The following LRRC4B variants were observed in gnomAD, a reference collection of about 807,000 sequenced individuals.
LRRC4B encodes the protein leucine rich repeat containing 4B.
LRRC4B carries 1 observed loss-of-function variant against 7.3 expected under a neutral mutation model. The ratio of observed to expected loss-of-function variants is 0.14; its 90% CI spans 0.05 to 0.65. The LOEUF is 0.65. Among genes scored for constraint, LRRC4B ranks in the 30% least tolerant of loss-of-function variants. The pLI is 0.84. For missense variants in LRRC4B, 730 were observed against 1,041.6 expected, an observed-to-expected ratio of 0.70 and a Z score of 4.12; for synonymous variants, 500 against 499.2, an observed-to-expected ratio of 1.00 and a Z score of -0.02.
At chr19:50,567,144 T>C (rs1982655088) in intron 1 of LRRC4B, among the ~76,000 whole-genome samples, 1 of 116,808 alleles carries the variant, frequency 8.6e-6, no homozygotes, top group African/African-American at 3.3e-5. Flanking sequence ...GGCGGGGGTC[T>C]CCAGGAGGAG....
At position 50,519,017 on chromosome 19, in the gene LRRC4B, C is replaced by T. The variant is rs2122761563; in HGVS notation, c.696G>A (p.Glu232=). 1 of 1,612,060 alleles carries T rather than the reference C, an allele frequency of 6.2e-7. No individual in the cohort carries two copies. Among genetic ancestry groups the T allele is most frequent in the East Asian group, 2.2e-5 (1 of 44,854 alleles). ...GCCGGTTGCCCGACAGCTCCAGCTC[C>T]TCCAGGCGCACCAGGGCCGTCAGGT... ...IPNLTALVRL[E]ELELSGNRLD... The change falls in exon 3 of 3, where the codon GAG becomes GAA. Residue 232 remains glutamate (E), a synonymous_variant. Transcript: ENST00000652263. This position sits in a 1 kb window ranked among gnomAD's most constrained non-coding sequence, Gnocchi z 8.1.
At position 50,518,415 on chromosome 19, in the gene LRRC4B, T is replaced by C. The variant is rs756672848; in HGVS notation, c.1298A>G (p.Gln433Arg). Residue 433 changes from glutamine to arginine, a missense_variant, in exon 3 of 3, where the codon CAG becomes CGG. Physicochemically the swap from Gln to Arg is conservative, Grantham distance 43. Transcript: ENST00000652263. Reference sequence around the variant, plus strand: ...TGAGTTCGTCACCATGCACGTGTACTGGCCCGTGTCCTGCACGGTGACGTT... The same window carrying C: ...TGAGTTCGTCACCATGCACGTGTACCGGCCCGTGTCCTGCACGGTGACGTT... Reference protein sequence around the residue: ...FTNVTVQDTGQYTCMVTNSAG... With the variant: ...FTNVTVQDTGRYTCMVTNSAG... 6.4e-7 allele frequency: 1 copy of C among 1,568,426 alleles called. No individual in the cohort carries two copies. Among genetic ancestry groups the C allele is most frequent in the African/African-American group, 1.4e-5 (1 of 73,874 alleles).
rs578232545 is a variant in LRRC4B at position 50,553,431 on chromosome 19, G to A, written c.-35-4558C>T. 6.6e-6 allele frequency among the ~76,000 whole-genome samples: 1 copy of A among 152,210 alleles called. No homozygotes were observed. ...GCTTCCCTCCTCCCCCTGCTCACTC[G>A]CTGTTTCCAGAACAGGCCGTGCACA... On this transcript the variant is annotated intron_variant, in intron 1 of 2. Coordinates refer to ENST00000652263, the MANE Select transcript of LRRC4B (RefSeq NM_001080457.2). This position sits in a 1 kb window ranked among gnomAD's most constrained non-coding sequence, Gnocchi z 4.2.
rs1980283068 is a variant in LRRC4B at position 50,516,944 on chromosome 19, G to C, written c.*627C>G. 1.3e-5 allele frequency: 2 copies of C among 150,128 alleles called. No individual in the cohort carries two copies. The highest frequency in any genetic ancestry group is 1.3e-4 in the Admixed American group (2 of 15,120). The allele number at this position is 150,128 out of a possible 1,614,324, so 9.3% of individuals were successfully genotyped here. ...ACTTTTTCCATGTTTTTTTTTTAAA[G>C]TAATTACAGAGCAGGTAGTCGTTGA... On this transcript the variant is annotated 3_prime_UTR_variant, in exon 3 of 3. Transcript: ENST00000652263.
At chr19:50,565,584 C>T (rs1391899853) in intron 1 of LRRC4B, among the ~76,000 whole-genome samples, 2 of 151,322 alleles carry the variant, frequency 1.3e-5, no homozygotes, top group Non-Finnish European at 2.9e-5. Context: ...GAATCTTTGC[C>T]TCCACGTGCC....
chr19:50,527,348 CTTTT>C (rs59423387), intron 2 of LRRC4B, among the ~76,000 whole-genome samples: 35 of 124,474 alleles, frequency 2.8e-4, no homozygotes, highest in African/African-American at 6.7e-4. Context: ...TTTCTTTTTT[CTTTT>C]TTTTTTTTTT....
rs113942008 is a variant in LRRC4B, at chr19:50,538,370, C to T, written c.297+10172G>A. ...GAGCCACCGCGCCCGGCCCTCCCACCGTTTTCTTCCTTAAAGGGCTCTAAC... is the reference window on the plus strand; with the variant it reads ...GAGCCACCGCGCCCGGCCCTCCCACTGTTTTCTTCCTTAAAGGGCTCTAAC... On this transcript the variant is annotated intron_variant, in intron 2 of 2. Coordinates refer to ENST00000652263, the MANE Select transcript of LRRC4B (RefSeq NM_001080457.2). Among the ~76,000 whole-genome samples the T allele has an allele frequency of 5.7e-3, 870 of 151,814 alleles. 13 individuals are homozygous for T. The highest frequency in any genetic ancestry group is 0.02 in the African/African-American group (831 of 41,436).
intron 2 of LRRC4B, among the ~76,000 whole-genome samples, chr19:50,540,231 C>T (rs1252883449): frequency 2.0e-5 from 3 of 152,118 alleles, no homozygotes; most frequent in Non-Finnish European, 1.5e-5. Flanking sequence ...GGCCACAGAC[C>T]GGTACTGGTG....
intron 1 of LRRC4B, among the ~76,000 whole-genome samples, chr19:50,549,282 G>A (rs948405546): frequency 3.3e-5 from 5 of 152,184 alleles, no homozygotes; most frequent in Non-Finnish European, 7.3e-5. Flanking sequence ...GACAAGGCGA[G>A]GGGGCAGAAA....
At chr19:50,564,885 CCA>C (rs2122936286) in intron 1 of LRRC4B, among the ~76,000 whole-genome samples, 1 of 151,588 alleles carries the variant, frequency 6.6e-6, no homozygotes, top group African/African-American at 2.4e-5. Flanking sequence ...ACCCCCGCCC[CCA>C]ATCCCCAACC....
chr19:50,558,118 T>C (rs1982338611), intron 1 of LRRC4B: 1 of 151,420 alleles, frequency 6.6e-6, no homozygotes, highest in Non-Finnish European at 1.5e-5. Flanking sequence ...TTTAGGGGAG[T>C]CAAAAGTTAC....
At position 50,537,627 on chromosome 19, in the gene LRRC4B, C is replaced by T. The variant is rs369598791; in HGVS notation, c.297+10915G>A. Among the ~76,000 whole-genome samples, 2 of 152,188 alleles carry T rather than the reference C, an allele frequency of 1.3e-5. No homozygotes were observed. The highest frequency in any genetic ancestry group is 6.5e-5 in the Admixed American group (1 of 15,278). ...CTTTGCAGGACGCCAAGCAATTCTA[C>T]GCCTTTGTCAATTTAACTTTAACAG... On this transcript the variant is annotated intron_variant, in intron 2 of 2. Transcript: ENST00000652263. This position sits in a 1 kb window ranked among gnomAD's most constrained non-coding sequence, Gnocchi z 5.5.
Position 50,537,866 on chromosome 19 carries a change from A to C in LRRC4B, c.297+10676T>G, listed in dbSNP as rs530907782. 6.6e-5 allele frequency among the ~76,000 whole-genome samples: 10 copies of C among 151,996 alleles called. No individual in the cohort carries two copies. In the South Asian group the frequency reaches 1.9e-3, roughly 28 times the overall value. On this transcript the variant is annotated intron_variant, in intron 2 of 2. Transcript: ENST00000652263. The surrounding 1 kb of genome is among the most constrained non-coding windows in gnomAD (Gnocchi z 5.5). ...AACTCAGCTGGAATGAGAGCCAGGG[A>C]GGCCGCAGTTAGACACGAAGTCTCA...
intron 2 of LRRC4B, among the ~76,000 whole-genome samples, chr19:50,529,036 A>C (rs1486924506): frequency 6.6e-6 from 1 of 152,052 alleles, no homozygotes; most frequent in Non-Finnish European, 1.5e-5. Context: ...ACTGGGCTAG[A>C]GCTCTAAAAC....
At position 50,516,930 on chromosome 19, in the gene LRRC4B, G is replaced by T. The variant is rs1164778235; in HGVS notation, c.*641C>A. 6.8e-6 allele frequency: 1 copy of T among 146,032 alleles called. No homozygotes were observed. Among genetic ancestry groups the T allele is most frequent in the Admixed American group, 6.8e-5 (1 of 14,672 alleles). The allele number at this position is 146,032 out of a possible 1,614,324, so 9.0% of individuals were successfully genotyped here. ...AAAAATATTTTTTTACTTTTTCCAT[G>T]TTTTTTTTTTAAAGTAATTACAGAG... On this transcript the variant is annotated 3_prime_UTR_variant, in exon 3 of 3. Coordinates refer to ENST00000652263, the MANE Select transcript of LRRC4B (RefSeq NM_001080457.2).
At chr19:50,540,448 C>T (rs1417766099) in intron 2 of LRRC4B, among the ~76,000 whole-genome samples, 2 of 152,102 alleles carry the variant, frequency 1.3e-5, no homozygotes, top group African/African-American at 2.4e-5. Context: ...CTACAACCTC[C>T]GCCTCTCGGG....
chr19:50,523,970 A>C (rs943230019), intron 2 of LRRC4B, among the ~76,000 whole-genome samples: 1 of 152,038 alleles, frequency 6.6e-6, no homozygotes, highest in African/African-American at 2.4e-5. Flanking sequence ...AAAAAAAAAA[A>C]AACTGGAAGG....
intron 1 of LRRC4B, among the ~76,000 whole-genome samples, chr19:50,566,369 G>T (rs971092385): frequency 6.6e-6 from 1 of 151,914 alleles, no homozygotes; most frequent in African/African-American, 2.4e-5. Flanking sequence ...GCTGGAGAGG[G>T]GGGCGGGGAG....
chr19:50,536,478 G>A (rs921849516), intron 2 of LRRC4B, among the ~76,000 whole-genome samples: 2 of 152,314 alleles, frequency 1.3e-5, no homozygotes, highest in African/African-American at 2.4e-5. Flanking sequence ...ACGCAGTGTC[G>A]AGAGGGCAGG....
Sources: allele counts gnomAD v4.1 joint callset (sites outside exome capture counted in the v4.1 genomes callset), GRCh38; gene constraint gnomAD v4.1.1; non-coding constraint Gnocchi (gnomAD v3.1); transcripts MANE v1.5; gene names NCBI Gene and HGNC (gene_info 2026-07-23, HGNC 2026-07-21).